Variants in SNAI3 observed in about 807,000 individuals in gnomAD.
The protein encoded by SNAI3 is zinc finger protein SNAI3.
A neutral mutation model predicts 16.4 loss-of-function variants in SNAI3; 21 were observed. That is an observed-to-expected ratio of 1.28 (90% CI 0.91 to 1.85). The LOEUF (loss-of-function observed/expected upper bound fraction) is 1.85. Among genes scored for constraint, SNAI3 ranks in the 40% most tolerant of loss-of-function variants. The pLI is 0.00. For missense variants in SNAI3, 457 were observed against 372.8 expected (o/e 1.23, Z -1.86); for synonymous variants, 202 against 166.6 (o/e 1.21, Z -1.64).
In SNAI3 at chr16:88,681,086, T is replaced by C. The variant is rs188061902; in HGVS notation, c.697+8A>G. The stretch of plus-strand genomic sequence containing the variant: ...AGACCGTCCTTGCAGACCTTCACCC[T>C]GTCCTACCTGTGTGGGTGCGGACAT... On this transcript the variant is annotated splice_region_variant and intron_variant, in intron 2 of 2. Transcript: ENST00000332281. The surrounding 1 kb of genome is among the most constrained non-coding windows in gnomAD (Gnocchi z 5.4). 2.2e-4 allele frequency: 350 copies of C among 1,601,376 alleles called. 2 individuals are homozygous for C. The African/African-American group carries it at 4.3e-3, about 20-fold the overall frequency.
In SNAI3 at chr16:88,681,468, C is replaced by G; in HGVS notation, c.323G>C (p.Ser108Thr). 1 of 1,591,414 alleles carries G rather than the reference C, an allele frequency of 6.3e-7. No homozygotes were observed. The highest frequency in any genetic ancestry group is 8.6e-7 in the Non-Finnish European group (1 of 1,164,538). The change falls in exon 2 of 3, where the codon AGC becomes ACC. Residue 108 changes from serine to threonine, a missense_variant. Ser to Thr is a moderately conservative substitution (Grantham distance 58). Transcript: ENST00000332281. This position sits in a 1 kb window ranked among gnomAD's most constrained non-coding sequence, Gnocchi z 5.4. ...SRAAIVPLKD[S>T]LNHLNLPPLL... ...TGGGGGCAGGTTGAGGTGGTTCAGGCTGTCTTTGAGGGGTACAATGGCGGC... is the reference window on the plus strand; with the variant it reads ...TGGGGGCAGGTTGAGGTGGTTCAGGGTGTCTTTGAGGGGTACAATGGCGGC...
In SNAI3 at chr16:88,686,353, G is replaced by A; in HGVS notation, c.54C>T (p.Tyr18=). 6.2e-7 allele frequency: 1 copy of A among 1,612,458 alleles called. No individual in the cohort carries two copies. The highest frequency in any genetic ancestry group is 8.5e-7 in the Non-Finnish European group (1 of 1,179,660). The change falls in exon 1 of 3, where the codon TAC becomes TAT. Residue 18 remains tyrosine (Y), a synonymous_variant. Coordinates refer to ENST00000332281, the MANE Select transcript of SNAI3 (RefSeq NM_178310.4). ...TACCTCTCTGCGTCTCCAGCCGCCG[G>A]TAGTTGGGGACCCTGTGGCTGGAGT... The part of the protein sequence containing the change: ...KTHSSHRVPN[Y]RRLETQREIN...
Position 88,681,474 on chromosome 16 carries a change from T to G in SNAI3, c.317A>C (p.Lys106Thr). 6.3e-7 allele frequency: 1 copy of G among 1,584,806 alleles called. No homozygotes were observed. Among genetic ancestry groups the G allele is most frequent in the Non-Finnish European group, 8.6e-7 (1 of 1,160,054 alleles). Reference protein sequence around the residue: ...RASRAAIVPLKDSLNHLNLPP... With the variant: ...RASRAAIVPLTDSLNHLNLPP... The stretch of plus-strand genomic sequence containing the variant: ...CAGGTTGAGGTGGTTCAGGCTGTCT[T>G]TGAGGGGTACAATGGCGGCCCGGCT... Residue 106 changes from lysine (K) to threonine (T), a missense_variant, in exon 2 of 3, where the codon AAA (lysine) becomes ACA (threonine). By Grantham distance (78) the Lys-to-Thr change is moderately conservative (BLOSUM62 -1). Coordinates refer to ENST00000332281, the MANE Select transcript of SNAI3 (RefSeq NM_178310.4). This position sits in a 1 kb window ranked among gnomAD's most constrained non-coding sequence, Gnocchi z 5.4.
chr16:88,679,302 G>A (rs936296824), intron 2 of SNAI3, among the ~76,000 whole-genome samples: 2 of 152,244 alleles, frequency 1.3e-5, no homozygotes, highest in African/African-American at 2.4e-5. Flanking sequence ...GGCACGGAAA[G>A]GGGGTGTGTG....
intron 2 of SNAI3, among the ~76,000 whole-genome samples, chr16:88,680,025 G>C (rs1597392501): frequency 6.6e-6 from 1 of 150,794 alleles, no homozygotes. Context: ...AAGCTGCAGT[G>C]AGCTGCAATC....
chr16:88,686,163 TG>T, intron 1 of SNAI3, 167 bp downstream of exon 1: 1 of 833,260 alleles, frequency 1.2e-6, no homozygotes, highest in Non-Finnish European at 1.8e-6. Context: ...GAGGCGCCCG[TG>T]GGCCACCTCC....
At chr16:88,678,942 TG>T (rs543863688) in intron 2 of SNAI3, 8 of 985,074 alleles carry the variant, frequency 8.1e-6, no homozygotes, top group Admixed American at 6.1e-5. Flanking sequence ...CACAGGCAAG[TG>T]GGGGGGTCTG....
At position 88,681,721 on chromosome 16, in the gene SNAI3, G is replaced by T; in HGVS notation, c.77-7C>A. On this transcript the variant is annotated splice_region_variant and splice_polypyrimidine_tract_variant and intron_variant, in intron 1 of 2. Transcript: ENST00000332281. This position sits in a 1 kb window ranked among gnomAD's most constrained non-coding sequence, Gnocchi z 5.4. ...GAGCAGGCACCATTGATTTCTAGAG[G>T]GGTGGAGGGGAGAGAATAGAAAGAT... 9 of 1,433,310 alleles carry T rather than the reference G, an allele frequency of 6.3e-6. No homozygotes were observed. The highest frequency in any genetic ancestry group is 8.3e-6 in the Non-Finnish European group (9 of 1,088,882). 88.8% of individuals were successfully genotyped at this position (1,433,310 alleles called of 1,614,324 possible). A position where few individuals can be genotyped will look rare whatever the true frequency, so the allele number is the denominator to read the frequency against.
chr16:88,684,261 T>C (rs1314276716), intron 1 of SNAI3, among the ~76,000 whole-genome samples: 1 of 152,198 alleles, frequency 6.6e-6, no homozygotes, highest in Admixed American at 6.5e-5. Context: ...ACCATTTCTT[T>C]TTTCCATCTC....
rs1909164786 is a variant in SNAI3 at position 88,681,443 on chromosome 16, T to A, written c.348A>T (p.Pro116=). ...KDSLNHLNLP[P]LLVLPTRWSP... ...ACCACCGTGTGGGCAGCACCAGCAGTGGGGGCAGGTTGAGGTGGTTCAGGC... is the reference window on the plus strand; with the variant it reads ...ACCACCGTGTGGGCAGCACCAGCAGAGGGGGCAGGTTGAGGTGGTTCAGGC... Residue 116 remains proline (P), a synonymous_variant, in exon 2 of 3, where the codon CCA becomes CCT. Coordinates refer to ENST00000332281, the MANE Select transcript of SNAI3 (RefSeq NM_178310.4). This position sits in a 1 kb window ranked among gnomAD's most constrained non-coding sequence, Gnocchi z 5.4. The A allele has an allele frequency of 6.2e-7, 1 of 1,604,268 alleles. No homozygotes were observed. Among genetic ancestry groups the A allele is most frequent in the African/African-American group, 1.3e-5 (1 of 74,708 alleles).
At chr16:88,680,980 A>G (rs1909142759) in intron 2 of SNAI3, 114 bp downstream of exon 2, 2 of 1,415,982 alleles carry the variant, frequency 1.4e-6, no homozygotes, top group East Asian at 4.8e-5. Flanking sequence ...CAGAAGCTGA[A>G]TGTGAATGCC....
intron 2 of SNAI3, among the ~76,000 whole-genome samples, chr16:88,680,141 A>G (rs996604672): frequency 5.3e-5 from 8 of 151,018 alleles, no homozygotes; most frequent in Admixed American, 3.3e-4. Context: ...ACTGAAGCTT[A>G]TTCCTGGCGC....
At chr16:88,683,545 C>T (rs964587821) in intron 1 of SNAI3, among the ~76,000 whole-genome samples, 36 of 148,176 alleles carry the variant, frequency 2.4e-4, no homozygotes, top group African/African-American at 8.7e-4. Context: ...TAAGCCACTG[C>T]GCCTGGCCTT....
chr16:88,684,862 GGA>G (rs1909302790), intron 1 of SNAI3, among the ~76,000 whole-genome samples: 1 of 152,226 alleles, frequency 6.6e-6, no homozygotes, highest in Non-Finnish European at 1.5e-5. Context: ...TTATTTAAAA[GGA>G]GAGATTGAGG....
At position 88,683,180 on chromosome 16, in the gene SNAI3, C is replaced by T. The variant is rs573697825; in HGVS notation, c.77-1466G>A. Among the ~76,000 whole-genome samples the T allele has an allele frequency of 8.6e-5, 13 of 150,982 alleles. No individual in the cohort carries two copies. The South Asian group carries it at 2.7e-3, about 32-fold the overall frequency. On this transcript the variant is annotated intron_variant, in intron 1 of 2. Coordinates refer to ENST00000332281, the MANE Select transcript of SNAI3 (RefSeq NM_178310.4). The stretch of plus-strand genomic sequence containing the variant: ...GGCTCACTGCAACCTGCAACCTCCA[C>T]CTCCCAGGTCCAAATGATTTTCCTG...
In SNAI3 at chr16:88,686,330, C is replaced by T; in HGVS notation, c.76+1G>A. The T allele has an allele frequency of 6.2e-7, 1 of 1,611,124 alleles. No individual in the cohort carries two copies. The highest frequency in any genetic ancestry group is 8.5e-7 in the Non-Finnish European group (1 of 1,179,372). Reference sequence around the variant, plus strand: ...GGGCTCGGGGATCGGGTAGTCAGTACCTCTCTGCGTCTCCAGCCGCCGGTA... The same window carrying T: ...GGGCTCGGGGATCGGGTAGTCAGTATCTCTCTGCGTCTCCAGCCGCCGGTA... On this transcript the variant is annotated splice_donor_variant, in intron 1 of 2. Coordinates refer to ENST00000332281, the MANE Select transcript of SNAI3 (RefSeq NM_178310.4). LOFTEE classifies it high-confidence loss of function.
intron 1 of SNAI3, among the ~76,000 whole-genome samples, chr16:88,683,910 G>A (rs1261502610): frequency 6.6e-6 from 1 of 152,136 alleles, no homozygotes; most frequent in Non-Finnish European, 1.5e-5. Flanking sequence ...AATGGCCAAT[G>A]AACACATGCA....
At position 88,679,374 on chromosome 16, in the gene SNAI3, G is replaced by C. The variant is rs1597392207; in HGVS notation, c.698-745C>G. 2.0e-5 allele frequency among the ~76,000 whole-genome samples: 3 copies of C among 152,328 alleles called. No individual in the cohort carries two copies. In the East Asian group the frequency reaches 5.8e-4, roughly 29 times the overall value. ...AAGGATTTCCCAGAGACCTGGAAAAGGCCTTCCCTCTGGCCTGCACCCAGG... is the reference window on the plus strand; with the variant it reads ...AAGGATTTCCCAGAGACCTGGAAAACGCCTTCCCTCTGGCCTGCACCCAGG... On this transcript the variant is annotated intron_variant, in intron 2 of 2. Coordinates refer to ENST00000332281, the MANE Select transcript of SNAI3 (RefSeq NM_178310.4).
intron 1 of SNAI3, chr16:88,685,431 C>G (rs1296144643): frequency 6.6e-6 from 1 of 152,292 alleles, no homozygotes; most frequent in East Asian, 1.9e-4. Flanking sequence ...ACAGCCCCAA[C>G]AGCGCCCTTC....
Sources: gnomAD v4.1 joint callset for allele counts (sites outside exome capture counted in the v4.1 genomes callset) on GRCh38, gnomAD v4.1.1 for gene constraint, Gnocchi (gnomAD v3.1) non-coding constraint, MANE v1.5 for transcripts, NCBI Gene and HGNC (gene_info 2026-07-23, HGNC 2026-07-21) for gene names.